The following CAMK2D variants were observed in gnomAD, a reference collection of about 807,000 sequenced individuals.
The protein encoded by CAMK2D is calcium/calmodulin dependent protein kinase II delta, also known as calcium/calmodulin-dependent protein kinase type II subunit delta.
In CAMK2D, 37 loss-of-function variants were observed where a neutral mutation model predicts 84.0. The observed-to-expected ratio is 0.44, with a 90% CI of 0.34 to 0.58. The LOEUF (loss-of-function observed/expected upper bound fraction) is 0.58. Among genes scored for constraint, CAMK2D ranks in the 20% least tolerant of loss-of-function variants. CAMK2D has a pLI of 0.02. For synonymous variants in CAMK2D, 202 were observed against 212.5 expected (o/e 0.95, Z 0.43); for missense variants, 448 against 652.5 (o/e 0.69, Z 3.41).
At chr4:113,749,229 AG>A (rs2099611482) in intron 2 of CAMK2D, among the ~76,000 whole-genome samples, 1 of 152,086 alleles carries the variant, frequency 6.6e-6, no homozygotes, top group South Asian at 2.1e-4. Flanking sequence ...TATATGTATT[AG>A]CACTGTAAAG....
intron 2 of CAMK2D, among the ~76,000 whole-genome samples, chr4:113,697,407 G>A (rs1319283615): frequency 6.6e-6 from 1 of 152,008 alleles, no homozygotes; most frequent in Non-Finnish European, 1.5e-5. Context: ...AAAAAGGGAA[G>A]AGATTATGGA....
chr4:113,681,404 G>A (rs768245015), intron 2 of CAMK2D, among the ~76,000 whole-genome samples: 10 of 152,044 alleles, frequency 6.6e-5, no homozygotes, highest in South Asian at 4.1e-4. Flanking sequence ...CTCTCCTGCC[G>A]CCATGTGAAG....
At chr4:113,724,931 T>C (rs547623983) in intron 2 of CAMK2D, among the ~76,000 whole-genome samples, 2 of 152,072 alleles carry the variant, frequency 1.3e-5, no homozygotes, top group Non-Finnish European at 2.9e-5. Context: ...GTGGTCAAAA[T>C]TCTTTGCCTT....
At chr4:113,760,608 T>G (rs1468996954) in intron 1 of CAMK2D, among the ~76,000 whole-genome samples, 1 of 152,164 alleles carries the variant, frequency 6.6e-6, no homozygotes, top group Non-Finnish European at 1.5e-5. Flanking sequence ...CATCTCTATT[T>G]ACAGAAAACA....
chr4:113,652,060 C>T (rs2154302709), intron 3 of CAMK2D, among the ~76,000 whole-genome samples: 1 of 152,146 alleles, frequency 6.6e-6, no homozygotes, highest in South Asian at 2.1e-4. Context: ...TTATTTTCTG[C>T]ACTTATTAAA....
At chr4:113,508,271 G>C in intron 13 of CAMK2D, 1 of 1,542,158 alleles carries the variant, frequency 6.5e-7, no homozygotes, top group Non-Finnish European at 8.8e-7. Flanking sequence ...TTCCTTTTCT[G>C]AATTGACCAG....
chr4:113,479,084 T>C (rs76009550), intron 16 of CAMK2D, among the ~76,000 whole-genome samples: 3,339 of 152,256 alleles, frequency 0.022, 99 homozygotes, highest in African/African-American at 0.075. Context: ...AAATCATAGG[T>C]CTTTCACATT....
intron 19 of CAMK2D, 199 bp downstream of exon 19, chr4:113,457,136 C>T: frequency 7.3e-7 from 1 of 1,377,916 alleles, no homozygotes; most frequent in Non-Finnish European, 9.5e-7. Flanking sequence ...TGCTCTATAG[C>T]AAGTTTCAAC....
intron 3 of CAMK2D, among the ~76,000 whole-genome samples, chr4:113,632,028 T>C (rs1005426658): frequency 6.6e-6 from 1 of 152,172 alleles, no homozygotes; most frequent in African/African-American, 2.4e-5. Flanking sequence ...GCATATGTAT[T>C]TATGATCCTC....
chr4:113,502,929 T>C lies in CAMK2D; in HGVS notation c.1086+7A>G. The C allele has an allele frequency of 6.3e-7, 1 of 1,588,698 alleles. No homozygotes were observed. Among genetic ancestry groups the C allele is most frequent in the Non-Finnish European group, 8.6e-7 (1 of 1,156,914 alleles). ...AAAGCAAGATGATGTTGATTCTTTC[T>C]GAATACCTTGTTTCCATCAGGGTTG... On this transcript the variant is annotated splice_region_variant and intron_variant, in intron 15 of 20. Coordinates refer to ENST00000511664, the MANE Select transcript of CAMK2D (RefSeq NM_001321571.2).
At chr4:113,531,337 G>T in intron 7 of CAMK2D, 38 bp from the exon 8 acceptor site, 1 of 1,024,040 alleles carries the variant, frequency 9.8e-7, no homozygotes, top group Non-Finnish European at 1.6e-6. Flanking sequence ...CAGTTGATTT[G>T]ACAAAACAAT....
At chr4:113,622,058 A>G (rs6826859) in intron 3 of CAMK2D, among the ~76,000 whole-genome samples, 17,919 of 152,212 alleles carry the variant, frequency 0.12, 1,333 homozygotes, top group East Asian at 0.19. Context: ...TTAACTTGCT[A>G]TTGAGAAAGT....
At chr4:113,648,287 G>A (rs1408732423) in intron 3 of CAMK2D, among the ~76,000 whole-genome samples, 3 of 152,128 alleles carry the variant, frequency 2.0e-5, no homozygotes, top group Admixed American at 1.3e-4. Flanking sequence ...TATTCAGAAT[G>A]AAAGTAATCT....
chr4:113,567,929 C>T (rs925586404), intron 4 of CAMK2D, among the ~76,000 whole-genome samples: 1 of 152,158 alleles, frequency 6.6e-6, no homozygotes, highest in Non-Finnish European at 1.5e-5. Context: ...AACCACATAA[C>T]TAGACATCAT....
intron 3 of CAMK2D, among the ~76,000 whole-genome samples, chr4:113,632,440 C>T (rs2099093589): frequency 6.6e-6 from 1 of 151,992 alleles, no homozygotes; most frequent in Non-Finnish European, 1.5e-5. Context: ...TCAGGCTGGT[C>T]TCGAACTCCT....
chr4:113,470,587 G>C (rs1462302973), intron 16 of CAMK2D, among the ~76,000 whole-genome samples: 1 of 150,960 alleles, frequency 6.6e-6, no homozygotes, highest in Admixed American at 6.6e-5. Context: ...GCAGTGAGCT[G>C]AGATTGCACC....
intron 3 of CAMK2D, among the ~76,000 whole-genome samples, chr4:113,625,799 T>A (rs2099065527): frequency 6.6e-6 from 1 of 152,044 alleles, no homozygotes. Context: ...TCTGCTTGTT[T>A]TAAGAACACA....
Position 113,545,514 on chromosome 4 carries a change from T to C in CAMK2D, c.414+2130A>G, listed in dbSNP as rs1040823989. Among the ~76,000 whole-genome samples the C allele has an allele frequency of 2.6e-5, 4 of 152,354 alleles. No individual in the cohort carries two copies. The East Asian group carries it at 7.7e-4, about 29-fold the overall frequency. On this transcript the variant is annotated intron_variant, in intron 6 of 20. Coordinates refer to ENST00000511664, the MANE Select transcript of CAMK2D (RefSeq NM_001321571.2). ...ACTTGATCTTTTTAACTTTACTATA[T>C]TGGTAAACATGCTATCACAAGCAAT...
intron 4 of CAMK2D, among the ~76,000 whole-genome samples, chr4:113,591,267 A>G (rs2098879047): frequency 6.6e-6 from 1 of 152,124 alleles, no homozygotes; most frequent in South Asian, 2.1e-4. Flanking sequence ...ACTGTTGTCA[A>G]TGACACAGCT....
Sources: allele counts gnomAD v4.1 joint callset (sites outside exome capture counted in the v4.1 genomes callset), GRCh38; gene constraint gnomAD v4.1.1; transcripts MANE v1.5; gene names NCBI Gene and HGNC (gene_info 2026-07-23, HGNC 2026-07-21).